The following ALG14 variants were observed in gnomAD, a reference collection of about 807,000 sequenced individuals.
ALG14 encodes the protein ALG14 UDP-N-acetylglucosaminyltransferase subunit.
Under a neutral mutation model 22.8 loss-of-function variants are expected in ALG14, and 17 were observed. The ratio of observed to expected loss-of-function variants is 0.75; its 90% CI spans 0.51 to 1.12. ALG14 has a LOEUF of 1.12. Among genes scored for constraint, ALG14 ranks in the 50% most tolerant of loss-of-function variants. ALG14 has a pLI of 0.00. For missense variants in ALG14, 288 were observed against 271.8 expected, an observed-to-expected ratio of 1.06 and a Z score of -0.42; for synonymous variants, 89 against 103.7, an observed-to-expected ratio of 0.86 and a Z score of 0.86.
intron 3 of ALG14, among the ~76,000 whole-genome samples, chr1:95,018,519 G>C (rs1231081357): frequency 6.6e-6 from 1 of 151,952 alleles, no homozygotes; most frequent in African/African-American, 2.4e-5. Context: ...CTGGGTGACA[G>C]AGCAAGATTC....
intron 3 of ALG14, among the ~76,000 whole-genome samples, chr1:95,020,132 G>A (rs981480025): frequency 2.6e-5 from 4 of 151,958 alleles, no homozygotes; most frequent in African/African-American, 9.7e-5. Context: ...CAGGAGAATC[G>A]CTTGAACTCG....
Position 95,065,030 on chromosome 1 carries a change from T to C in ALG14, c.137-13A>G, listed in dbSNP as rs1263129093. Reference sequence around the variant, plus strand: ...GTGGTATGCCCACCTGGAAAAAATATCAGAAGTCCTAAGATTAAGAAACCC... The same window carrying C: ...GTGGTATGCCCACCTGGAAAAAATACCAGAAGTCCTAAGATTAAGAAACCC... On this transcript the variant is annotated splice_polypyrimidine_tract_variant and intron_variant, in intron 1 of 3. Transcript: ENST00000370205. 1 of 1,605,792 alleles carries C rather than the reference T, an allele frequency of 6.2e-7. No homozygotes were observed. Among genetic ancestry groups the C allele is most frequent in the African/African-American group, 1.3e-5 (1 of 74,548 alleles).
intron 3 of ALG14, among the ~76,000 whole-genome samples, chr1:94,988,018 AG>A (rs1390102077): frequency 1.3e-5 from 2 of 152,216 alleles, no homozygotes; most frequent in East Asian, 3.8e-4. Flanking sequence ...ACACAGCTGC[AG>A]GGAAAGCTTT....
At chr1:94,988,096 G>A (rs1474151819) in intron 3 of ALG14, among the ~76,000 whole-genome samples, 1 of 152,174 alleles carries the variant, frequency 6.6e-6, no homozygotes, top group Non-Finnish European at 1.5e-5. Flanking sequence ...GGGCTGGCTC[G>A]GGTAGGTAGC....
At chr1:94,998,201 TAA>T (rs1213393023) in intron 3 of ALG14, among the ~76,000 whole-genome samples, 1 of 152,202 alleles carries the variant, frequency 6.6e-6, no homozygotes, top group Non-Finnish European at 1.5e-5. Flanking sequence ...TAACCAGGAT[TAA>T]ACCGCACTTC....
intron 2 of ALG14, among the ~76,000 whole-genome samples, chr1:95,045,892 A>G (rs367897600): frequency 8.8e-5 from 5 of 56,670 alleles, no homozygotes; most frequent in South Asian, 5.5e-4. Context: ...AATAGAATTA[A>G]TATACTAATA....
chr1:95,064,796 A>G, intron 2 of ALG14, 70 bp downstream of exon 2: 1 of 1,479,450 alleles, frequency 6.8e-7, no homozygotes, highest in Non-Finnish European at 9.2e-7. Context: ...GTGCCATGAG[A>G]TTATTACTAG....
chr1:95,069,729 C>T (rs1675497494), intron 1 of ALG14, among the ~76,000 whole-genome samples: 1 of 152,278 alleles, frequency 6.6e-6, no homozygotes, highest in Non-Finnish European at 1.5e-5. Flanking sequence ...CTGGCCTTCT[C>T]CTGTCCTCTG....
At chr1:95,030,953 A>G (rs1472806460) in intron 2 of ALG14, among the ~76,000 whole-genome samples, 2 of 152,230 alleles carry the variant, frequency 1.3e-5, no homozygotes, top group African/African-American at 4.8e-5. Flanking sequence ...CAACAAGACC[A>G]GTAACTAAAG....
chr1:95,064,393 T>C (rs144592223), intron 2 of ALG14, among the ~76,000 whole-genome samples: 1 of 152,228 alleles, frequency 6.6e-6, no homozygotes, highest in South Asian at 2.1e-4. Flanking sequence ...CTTTTGTCCA[T>C]TCAGTATGAT....
chr1:95,033,454 T>TAC (rs1165169036), intron 2 of ALG14, among the ~76,000 whole-genome samples: 2 of 149,638 alleles, frequency 1.3e-5, no homozygotes, highest in Non-Finnish European at 3.0e-5. Context: ...CATACATATA[T>TAC]ATACACACAC....
At chr1:95,028,025 C>A (rs1227455702) in intron 2 of ALG14, among the ~76,000 whole-genome samples, 2 of 152,148 alleles carry the variant, frequency 1.3e-5, no homozygotes, top group Non-Finnish European at 2.9e-5. Flanking sequence ...ACTATATGAA[C>A]TCGTATGGAA....
At chr1:95,036,764 A>G (rs1420593051) in intron 2 of ALG14, among the ~76,000 whole-genome samples, 1 of 152,148 alleles carries the variant, frequency 6.6e-6, no homozygotes, top group Non-Finnish European at 1.5e-5. Context: ...AGTCTCGGGC[A>G]GTTCTTTATA....
intron 2 of ALG14, among the ~76,000 whole-genome samples, chr1:95,036,924 C>G (rs1674219880): frequency 6.6e-6 from 1 of 152,162 alleles, no homozygotes; most frequent in African/African-American, 2.4e-5. Context: ...CCACCATGAT[C>G]CCACAGCTGG....
intron 3 of ALG14, among the ~76,000 whole-genome samples, chr1:95,004,304 C>G (rs2100740182): frequency 6.6e-6 from 1 of 151,510 alleles, no homozygotes; most frequent in African/African-American, 2.4e-5. Context: ...TCACTGCAAC[C>G]TCTGCCTCCT....
intron 3 of ALG14, among the ~76,000 whole-genome samples, chr1:95,010,348 T>A (rs1673330337): frequency 6.6e-6 from 1 of 152,228 alleles, no homozygotes; most frequent in Admixed American, 6.5e-5. Context: ...CCAATGGACA[T>A]CCCTACTTCC....
At chr1:95,011,502 T>C (rs1447823077) in intron 3 of ALG14, among the ~76,000 whole-genome samples, 2 of 151,820 alleles carry the variant, frequency 1.3e-5, no homozygotes, top group East Asian at 3.9e-4. Context: ...CTCAGCTCAC[T>C]GCAAGCTCCA....
intron 3 of ALG14, among the ~76,000 whole-genome samples, chr1:94,984,441 A>T (rs1321119919): frequency 6.6e-6 from 1 of 152,148 alleles, no homozygotes; most frequent in Non-Finnish European, 1.5e-5. Flanking sequence ...GTAGGGTTTG[A>T]AAAAGGTCAC....
chr1:95,061,242 T>G (rs952823180), intron 2 of ALG14, among the ~76,000 whole-genome samples: 1 of 152,168 alleles, frequency 6.6e-6, no homozygotes, highest in Non-Finnish European at 1.5e-5. Context: ...AAAAACCCAG[T>G]TTTGTTACAG....
Sources: gnomAD v4.1 joint callset for allele counts (sites outside exome capture counted in the v4.1 genomes callset) on GRCh38, gnomAD v4.1.1 for gene constraint, MANE v1.5 for transcripts, NCBI Gene and HGNC (gene_info 2026-07-23, HGNC 2026-07-21) for gene names.